Variants in CAMTA1 observed in about 807,000 individuals in gnomAD.
CAMTA1 encodes calmodulin binding transcription activator 1, also known as calmodulin-binding transcription activator 1.
Under a neutral mutation model 170.9 loss-of-function variants are expected in CAMTA1, and 27 were observed. That is an observed-to-expected ratio of 0.16 (90% CI 0.12 to 0.22). The LOEUF is 0.22. Ranked by LOEUF, CAMTA1 falls within the 10% of genes least tolerant of loss-of-function variation. The pLI is 1.00. For synonymous variants in CAMTA1, 833 were observed against 891.5 expected (o/e 0.93, Z 1.17); for missense variants, 1,619 against 2,217.2 (o/e 0.73, Z 5.42).
At chr1:7,086,063 C>T (rs745358052) in intron 3 of CAMTA1, among the ~76,000 whole-genome samples, 4 of 152,192 alleles carry the variant, frequency 2.6e-5, no homozygotes, top group Admixed American at 6.5e-5. Context: ...GTCTGGGACC[C>T]TGCCAGTTTG....
intron 6 of CAMTA1, among the ~76,000 whole-genome samples, chr1:7,620,400 C>G (rs896700272): frequency 6.6e-6 from 1 of 152,162 alleles, no homozygotes; most frequent in African/African-American, 2.4e-5. Context: ...CAGGATACTC[C>G]CATGATGCTT....
intron 1 of CAMTA1, among the ~76,000 whole-genome samples, chr1:6,807,939 T>A (rs1033434449): frequency 6.6e-6 from 1 of 151,762 alleles, no homozygotes; most frequent in African/African-American, 2.4e-5. Context: ...TCAAGACAAG[T>A]CATAATGCTT....
At chr1:6,791,460 T>G (rs1641078316) in intron 1 of CAMTA1, among the ~76,000 whole-genome samples, 1 of 152,220 alleles carries the variant, frequency 6.6e-6, no homozygotes, top group Non-Finnish European at 1.5e-5. Flanking sequence ...GGCCTCCCCA[T>G]GTAGGATTTT....
At chr1:7,645,161 G>A (rs1378888167) in intron 7 of CAMTA1, among the ~76,000 whole-genome samples, 1 of 152,230 alleles carries the variant, frequency 6.6e-6, no homozygotes, top group African/African-American at 2.4e-5. Flanking sequence ...ATGACTTTGA[G>A]TGGAGTCGAC....
chr1:7,027,391 G>A (rs1376923406), intron 3 of CAMTA1, among the ~76,000 whole-genome samples: 4 of 152,132 alleles, frequency 2.6e-5, no homozygotes, highest in African/African-American at 9.7e-5. Context: ...GGAGGCCCAC[G>A]AGACCTGGGG....
At position 7,412,653 on chromosome 1, in the gene CAMTA1, T is replaced by C. The variant is rs199563865; in HGVS notation, c.439-55177T>C. Among the ~76,000 whole-genome samples the C allele has an allele frequency of 9.8e-5, 15 of 152,322 alleles. No homozygotes were observed. In the East Asian group the frequency reaches 2.5e-3, roughly 25 times the overall value. On this transcript the variant is annotated intron_variant, in intron 5 of 22. Coordinates refer to ENST00000303635, the MANE Select transcript of CAMTA1 (RefSeq NM_015215.4). ...TGAGTTCATTGTAGATTCTGGTTATTAGCCCTTTGTCAGATGAGTAGGTTG... is the reference window on the plus strand; with the variant it reads ...TGAGTTCATTGTAGATTCTGGTTATCAGCCCTTTGTCAGATGAGTAGGTTG...
intron 5 of CAMTA1, among the ~76,000 whole-genome samples, chr1:7,366,360 A>G (rs1417558046): frequency 6.6e-6 from 1 of 152,172 alleles, no homozygotes; most frequent in African/African-American, 2.4e-5. Context: ...ACATGGACAC[A>G]GGGGAGGTGA....
intron 6 of CAMTA1, among the ~76,000 whole-genome samples, chr1:7,541,530 C>T (rs968489533): frequency 6.6e-5 from 10 of 152,180 alleles, no homozygotes; most frequent in Non-Finnish European, 1.5e-4. Flanking sequence ...CCAAGGTGCA[C>T]GGAATATAAA....
chr1:7,403,510 A>T (rs995266357), intron 5 of CAMTA1, among the ~76,000 whole-genome samples: 2 of 152,172 alleles, frequency 1.3e-5, no homozygotes, highest in Non-Finnish European at 2.9e-5. Context: ...CTCCTGGAAG[A>T]TGTAACACTA....
chr1:6,995,139 G>T (rs749024684), intron 3 of CAMTA1, among the ~76,000 whole-genome samples: 7 of 151,328 alleles, frequency 4.6e-5, no homozygotes, highest in African/African-American at 1.7e-4. Flanking sequence ...AATCACCAAG[G>T]CTTGTTCATG....
chr1:7,256,552 C>A (rs1241561799), intron 5 of CAMTA1, among the ~76,000 whole-genome samples: 4 of 152,076 alleles, frequency 2.6e-5, no homozygotes, highest in Non-Finnish European at 5.9e-5. Context: ...AGCGAGACTC[C>A]GTCTCAAAAA....
At chr1:7,446,181 G>GA (rs59283865) in intron 5 of CAMTA1, among the ~76,000 whole-genome samples, 33,649 of 128,054 alleles carry the variant, frequency 0.26, 7,496 homozygotes, top group African/African-American at 0.58. Flanking sequence ...ACTCTGCTGT[G>GA]AAAAAAAAAA....
intron 6 of CAMTA1, among the ~76,000 whole-genome samples, chr1:7,577,940 A>C (rs1422734379): frequency 1.3e-5 from 2 of 152,178 alleles, no homozygotes; most frequent in Non-Finnish European, 2.9e-5. Flanking sequence ...GTTGAAGGTC[A>C]CCGTTATTTG....
chr1:6,826,730 C>T (rs1213114995), intron 3 of CAMTA1, among the ~76,000 whole-genome samples: 1 of 152,120 alleles, frequency 6.6e-6, no homozygotes, highest in Admixed American at 6.5e-5. Flanking sequence ...CCCATGGACC[C>T]ATGTCTTGTG....
chr1:7,429,737 A>G lies in CAMTA1; in HGVS notation c.439-38093A>G, dbSNP rs555942254. 2.0e-5 allele frequency among the ~76,000 whole-genome samples: 3 copies of G among 147,140 alleles called. No homozygotes were observed. In the South Asian group the frequency reaches 6.5e-4, roughly 32 times the overall value. ...AGAGATACTTGAGACTGGGTAATTT[A>G]TAAAGAAAAGAGGTTTAATTGGCTC... On this transcript the variant is annotated intron_variant, in intron 5 of 22. Coordinates refer to ENST00000303635, the MANE Select transcript of CAMTA1 (RefSeq NM_015215.4).
chr1:7,032,513 C>G (rs549517801), intron 3 of CAMTA1, among the ~76,000 whole-genome samples: 1 of 152,252 alleles, frequency 6.6e-6, no homozygotes, highest in Non-Finnish European at 1.5e-5. Flanking sequence ...AAATTCTTCT[C>G]ATACCTTTTA....
At chr1:7,335,144 G>GT (rs1258592516) in intron 5 of CAMTA1, among the ~76,000 whole-genome samples, 13 of 94,960 alleles carry the variant, frequency 1.4e-4, no homozygotes, top group East Asian at 8.8e-4. Context: ...GTGTGTGGGG[G>GT]GGGGGGGGGG....
At chr1:7,661,104 T>C (rs2095952637) in intron 7 of CAMTA1, among the ~76,000 whole-genome samples, 1 of 152,216 alleles carries the variant, frequency 6.6e-6, no homozygotes, top group Non-Finnish European at 1.5e-5. Context: ...CACTGGGCAC[T>C]GAGCTACCTG....
intron 3 of CAMTA1, among the ~76,000 whole-genome samples, chr1:7,031,714 G>A (rs1353167109): frequency 6.6e-6 from 1 of 151,838 alleles, no homozygotes; most frequent in African/African-American, 2.4e-5. Context: ...TAATTTTTTT[G>A]TATTTTTTAG....
Sources: allele counts gnomAD v4.1 joint callset (sites outside exome capture counted in the v4.1 genomes callset), GRCh38; gene constraint gnomAD v4.1.1; transcripts MANE v1.5; gene names NCBI Gene and HGNC (gene_info 2026-07-23, HGNC 2026-07-21).